The following HORMAD2 variants were observed in gnomAD, a reference collection of about 807,000 sequenced individuals.
HORMAD2 encodes the protein HORMA domain containing 2, also known as HORMA domain-containing protein 2.
HORMAD2 carries 45 observed loss-of-function variants against 38.8 expected under a neutral mutation model. The observed-to-expected ratio is 1.16, with a 90% CI of 0.91 to 1.49. The LOEUF is 1.49. Ranked by LOEUF, HORMAD2 falls within the 40% of genes most tolerant of loss-of-function variation. HORMAD2 has a pLI of 0.00. For missense variants in HORMAD2, 338 were observed against 367.0 expected (o/e 0.92, Z 0.65); for synonymous variants, 126 against 122.8 (o/e 1.03, Z -0.17).
At chr22:30,125,733 T>C (rs1030990521) in intron 10 of HORMAD2, among the ~76,000 whole-genome samples, 2 of 152,222 alleles carry the variant, frequency 1.3e-5, no homozygotes, top group Admixed American at 1.3e-4. Context: ...AAGTTTATTT[T>C]CATTTATGGA....
the HORMAD2 span, among the ~76,000 whole-genome samples, chr22:30,191,550 T>C: frequency 6.6e-6 from 1 of 152,156 alleles, no homozygotes; most frequent in South Asian, 2.1e-4. Flanking sequence ...GCTAACTTTT[T>C]CCTCTCAATA....
At chr22:30,175,443 C>T (rs1926399250) in intron 10 of HORMAD2, among the ~76,000 whole-genome samples, 1 of 149,962 alleles carries the variant, frequency 6.7e-6, no homozygotes, top group Non-Finnish European at 1.5e-5. Flanking sequence ...TTTGGAATTC[C>T]AGGCATTAGG....
the HORMAD2 span, among the ~76,000 whole-genome samples, chr22:30,185,869 A>T: frequency 5.9e-4 from 90 of 152,050 alleles, no homozygotes; most frequent in East Asian, 5.6e-3. Context: ...ATTAAAAAAA[A>T]AAAAATAAAA....
At chr22:30,147,693 T>A (rs1308133687) in intron 10 of HORMAD2, among the ~76,000 whole-genome samples, 1 of 152,136 alleles carries the variant, frequency 6.6e-6, no homozygotes. Flanking sequence ...GAAAAAATAT[T>A]CTTAATACCT....
At chr22:30,164,017 T>A (rs115311695) in intron 10 of HORMAD2, among the ~76,000 whole-genome samples, 2 of 152,218 alleles carry the variant, frequency 1.3e-5, no homozygotes, top group African/African-American at 4.8e-5. Flanking sequence ...ATTTGACTAC[T>A]CTATATACCT....
intron 10 of HORMAD2, among the ~76,000 whole-genome samples, chr22:30,129,897 G>T (rs1923157755): frequency 6.6e-6 from 1 of 152,004 alleles, no homozygotes; most frequent in Non-Finnish European, 1.5e-5. Flanking sequence ...AGTCCAGTAT[G>T]GTAGCATCAG....
At chr22:30,153,886 C>T (rs1249084041) in intron 10 of HORMAD2, among the ~76,000 whole-genome samples, 2 of 152,136 alleles carry the variant, frequency 1.3e-5, no homozygotes, top group Non-Finnish European at 2.9e-5. Flanking sequence ...CAAATCTGGC[C>T]ACTTCTCACT....
At chr22:30,105,610 T>C (rs1002457956) in intron 5 of HORMAD2, among the ~76,000 whole-genome samples, 1 of 152,212 alleles carries the variant, frequency 6.6e-6, no homozygotes, top group African/African-American at 2.4e-5. Flanking sequence ...TTACTTATGA[T>C]TTATTCAACA....
At chr22:30,203,996 T>C in the HORMAD2 span, among the ~76,000 whole-genome samples, 22 of 152,184 alleles carry the variant, frequency 1.4e-4, no homozygotes, top group East Asian at 3.9e-4. Flanking sequence ...CACACACATG[T>C]GCATCCTCAC....
At chr22:30,154,840 G>A (rs943086167) in intron 10 of HORMAD2, among the ~76,000 whole-genome samples, 5 of 152,130 alleles carry the variant, frequency 3.3e-5, no homozygotes, top group Non-Finnish European at 5.9e-5. Flanking sequence ...AACTGAGGCA[G>A]AAGGATCACC....
chr22:30,120,060 C>T (rs575523603), intron 8 of HORMAD2, among the ~76,000 whole-genome samples: 27 of 152,264 alleles, frequency 1.8e-4, no homozygotes, highest in African/African-American at 6.5e-4. Flanking sequence ...CTCCAAAACT[C>T]AAAAATATAC....
chr22:30,112,808 C>A (rs988536341), intron 7 of HORMAD2, among the ~76,000 whole-genome samples: 1 of 151,990 alleles, frequency 6.6e-6, no homozygotes, highest in African/African-American at 2.4e-5. Context: ...TATAAAACCA[C>A]ATTTTTTTCT....
intron 10 of HORMAD2, among the ~76,000 whole-genome samples, chr22:30,132,879 G>A (rs1923384194): frequency 6.6e-6 from 1 of 152,092 alleles, no homozygotes; most frequent in Non-Finnish European, 1.5e-5. Flanking sequence ...ATACTGATAT[G>A]TATTATAGCA....
At chr22:30,203,321 G>C in the HORMAD2 span, among the ~76,000 whole-genome samples, 2 of 151,106 alleles carry the variant, frequency 1.3e-5, no homozygotes, top group African/African-American at 4.9e-5. Context: ...CTTGAACCCA[G>C]GAGGCAGAGG....
intron 7 of HORMAD2, among the ~76,000 whole-genome samples, chr22:30,117,719 G>A (rs1922149557): frequency 6.6e-6 from 1 of 152,168 alleles, no homozygotes. Context: ...ACATTGGCCA[G>A]GCTGGTCTTG....
At chr22:30,172,662 C>T (rs550243743) in intron 10 of HORMAD2, among the ~76,000 whole-genome samples, 4 of 152,164 alleles carry the variant, frequency 2.6e-5, no homozygotes, top group Non-Finnish European at 4.4e-5. Context: ...CCAACGCATG[C>T]GGATCACCTG....
intron 5 of HORMAD2, among the ~76,000 whole-genome samples, chr22:30,108,117 T>C (rs559299365): frequency 6.6e-6 from 1 of 152,244 alleles, no homozygotes; most frequent in East Asian, 1.9e-4. Flanking sequence ...TATGCTTGAA[T>C]TCTTCAAAAT....
chr22:30,122,301 T>A, intron 10 of HORMAD2, 87 bp downstream of exon 10: 3 of 1,268,918 alleles, frequency 2.4e-6, no homozygotes, highest in Non-Finnish European at 3.2e-6. Context: ...GCACGTGGAG[T>A]GTGCCAGCTA....
the HORMAD2 span, among the ~76,000 whole-genome samples, chr22:30,195,583 A>G: frequency 6.6e-6 from 1 of 152,366 alleles, no homozygotes; most frequent in South Asian, 2.1e-4. Flanking sequence ...TGTCCCCCAC[A>G]TACCAGAAAA....
Sources: allele counts gnomAD v4.1 joint callset (sites outside exome capture counted in the v4.1 genomes callset), GRCh38; gene constraint gnomAD v4.1.1; transcripts MANE v1.5; gene names NCBI Gene and HGNC (gene_info 2026-07-23, HGNC 2026-07-21).